HDAC11: variants seen among roughly 807,000 people sequenced by gnomAD.
HDAC11 encodes the protein histone deacetylase 11.
A neutral mutation model predicts 41.1 loss-of-function variants in HDAC11; 23 were observed. That is an observed-to-expected ratio of 0.56 (90% confidence interval 0.40 to 0.79). The LOEUF (loss-of-function observed/expected upper bound fraction) is 0.79. Among genes scored for constraint, HDAC11 ranks in the 30% least tolerant of loss-of-function variants. The pLI, the probability that HDAC11 is intolerant of heterozygous loss-of-function variation, is 0.00. For synonymous variants in HDAC11, 187 were observed against 186.6 expected (o/e 1.00, Z -0.02); for missense variants, 402 against 477.3 (o/e 0.84, Z 1.47).
intron 3 of HDAC11, among the ~76,000 whole-genome samples, chr3:13,491,068 TTGTGTGTGTG>T (rs58333021): frequency 0.016 from 2,178 of 140,378 alleles, 51 homozygotes; most frequent in African/African-American, 0.053. Flanking sequence ...GCTTTAATAG[TTGTGTGTGTG>T]TGTGTGTGTG....
intron 4 of HDAC11, 81 bp from the exon 5 acceptor site, chr3:13,498,432 T>A: frequency 6.4e-7 from 1 of 1,552,014 alleles, no homozygotes; most frequent in Non-Finnish European, 8.9e-7. Flanking sequence ...GCAGTGTTTA[T>A]GGAATGAGTG....
At chr3:13,489,622 G>A (rs1384304932) in intron 3 of HDAC11, among the ~76,000 whole-genome samples, 18 of 152,268 alleles carry the variant, frequency 1.2e-4, no homozygotes, top group African/African-American at 3.9e-4. Flanking sequence ...GCTGGAGTAC[G>A]GTGGCTCCAT....
intron 6 of HDAC11, 32 bp from the exon 7 acceptor site, chr3:13,501,839 G>A: frequency 6.2e-7 from 1 of 1,609,592 alleles, no homozygotes; most frequent in Non-Finnish European, 8.5e-7. Flanking sequence ...GTCCGCCCCA[G>A]ATCCTCATGT....
rs939183153 is a variant in HDAC11 at position 13,498,739 on chromosome 3, A to G, written c.412+184A>G. Among the ~76,000 whole-genome samples the G allele has an allele frequency of 1.5e-4, 23 of 152,154 alleles. 1 individual carries two copies. The South Asian group carries it at 1.9e-3, about 12-fold the overall frequency. The stretch of plus-strand genomic sequence containing the variant: ...GAGGTTGATGTGTAGCCTCCTAGGT[A>G]CCTGGGAGAGACTGACCAGTGCCTC... On this transcript the variant is annotated intron_variant, in intron 5 of 9. Coordinates refer to ENST00000295757, the MANE Select transcript of HDAC11 (RefSeq NM_024827.4).
chr3:13,504,027 C>G, intron 8 of HDAC11, 67 bp from the exon 9 acceptor site: 1 of 1,465,018 alleles, frequency 6.8e-7, no homozygotes, highest in South Asian at 1.2e-5. Flanking sequence ...GCCTGGTGTC[C>G]ACAGTCTTGT....
rs1418873302 is a variant in HDAC11, at chr3:13,505,484, C to T, written c.*801C>T. The T allele has an allele frequency of 6.5e-6, 1 of 152,686 alleles. No individual in the cohort carries two copies. Among genetic ancestry groups the T allele is most frequent in the Non-Finnish European group, 1.5e-5 (1 of 68,466 alleles). 9.5% of individuals were successfully genotyped at this position (152,686 alleles called of 1,614,324 possible). A position where few individuals can be genotyped will look rare whatever the true frequency, so the allele number is the denominator to read the frequency against. The stretch of plus-strand genomic sequence containing the variant: ...AGGACGGGCCTCAGCCCTGTCGCCT[C>T]CAGGGGGCCGCTGACCCAGGTGGGG... On this transcript the variant is annotated 3_prime_UTR_variant, in exon 10 of 10. Transcript: ENST00000295757.
At chr3:13,500,289 G>A (rs1198975631) in intron 5 of HDAC11, among the ~76,000 whole-genome samples, 4 of 152,044 alleles carry the variant, frequency 2.6e-5, no homozygotes, top group African/African-American at 7.2e-5. Flanking sequence ...GGCCCTCCTC[G>A]TGGCTGTAGG....
chr3:13,504,749 C>A lies in HDAC11; in HGVS notation c.*66C>A. The A allele has an allele frequency of 7.1e-7, 1 of 1,412,188 alleles. No homozygotes were observed. The allele number at this position is 1,412,188 out of a possible 1,614,324, so 87.5% of individuals were successfully genotyped here. A position where few individuals can be genotyped will look rare whatever the true frequency, so the allele number is the denominator to read the frequency against. Reference sequence around the variant, plus strand: ...CCCTTAGTGCTTTTTGTTTTCTAACCTCATGGGGTGGTGGAGGCAGCCTTC... The same window carrying A: ...CCCTTAGTGCTTTTTGTTTTCTAACATCATGGGGTGGTGGAGGCAGCCTTC... On this transcript the variant is annotated 3_prime_UTR_variant, in exon 10 of 10. Coordinates refer to ENST00000295757, the MANE Select transcript of HDAC11 (RefSeq NM_024827.4).
chr3:13,498,800 G>A (rs1038710654), intron 5 of HDAC11, among the ~76,000 whole-genome samples: 22 of 152,244 alleles, frequency 1.4e-4, no homozygotes, highest in African/African-American at 4.8e-4. Context: ...GGAGGTCCCC[G>A]GGTGGTTCCC....
intron 3 of HDAC11, among the ~76,000 whole-genome samples, chr3:13,484,825 G>A (rs1288149047): frequency 3.3e-5 from 5 of 152,196 alleles, no homozygotes; most frequent in African/African-American, 1.2e-4. Context: ...AAGTTCTGAG[G>A]GCTGAGGCAT....
At chr3:13,488,567 A>G (rs1701702557) in intron 3 of HDAC11, among the ~76,000 whole-genome samples, 1 of 152,196 alleles carries the variant, frequency 6.6e-6, no homozygotes, top group Non-Finnish European at 1.5e-5. Flanking sequence ...AGCGTTTTCA[A>G]CATTCATCTG....
At chr3:13,487,203 G>A (rs1010731862) in intron 3 of HDAC11, among the ~76,000 whole-genome samples, 1 of 152,178 alleles carries the variant, frequency 6.6e-6, no homozygotes, top group Admixed American at 6.5e-5. Context: ...ACCTAAGGCT[G>A]CAGCTCAGGA....
rs1055772806 is a variant in HDAC11 at position 13,502,937 on chromosome 3, T to C, written c.606T>C (p.Asp202=). 38 of 1,613,554 alleles carry C rather than the reference T, an allele frequency of 2.4e-5. No individual in the cohort carries two copies. Among genetic ancestry groups the C allele is most frequent in the Non-Finnish European group, 3.1e-5 (36 of 1,179,924 alleles). ...ACGACAAGCGTGTGTACATCATGGA[T>C]GTCTACAACCGCCACATCTACCCAG... ...FMDDKRVYIM[D]VYNRHIYPGD... The change falls in exon 8 of 10, where the codon GAT becomes GAC. Residue 202 remains aspartate (D), a synonymous_variant. Coordinates refer to ENST00000295757, the MANE Select transcript of HDAC11 (RefSeq NM_024827.4). This position sits in a 1 kb window ranked among gnomAD's most constrained non-coding sequence, Gnocchi z 4.1.
At chr3:13,490,755 T>TC (rs1362757421) in intron 3 of HDAC11, among the ~76,000 whole-genome samples, 223 of 135,032 alleles carry the variant, frequency 1.7e-3, no homozygotes, top group Middle Eastern at 3.7e-3. Flanking sequence ...TTTTTTTTTT[T>TC]TTTTTTTTTT....
intron 4 of HDAC11, among the ~76,000 whole-genome samples, chr3:13,498,162 AC>A (rs1702189246): frequency 6.6e-6 from 1 of 152,156 alleles, no homozygotes; most frequent in African/African-American, 2.4e-5. Context: ...GGCCCAGTCT[AC>A]TGTATTTCTG....
chr3:13,504,310 C>G (rs1488289603), intron 9 of HDAC11, 38 bp downstream of exon 9: 3 of 1,606,348 alleles, frequency 1.9e-6, no homozygotes, highest in African/African-American at 2.7e-5. Flanking sequence ...AGGGTCTGCT[C>G]TATGGACTCA....
intron 5 of HDAC11, among the ~76,000 whole-genome samples, chr3:13,499,231 G>A (rs11919605): frequency 0.017 from 2,586 of 152,212 alleles, 71 homozygotes; most frequent in African/African-American, 0.059. Context: ...GTGCAATGGC[G>A]CGATCTCGGC....
At chr3:13,484,205 C>T (rs1311832575) in intron 3 of HDAC11, among the ~76,000 whole-genome samples, 5 of 152,218 alleles carry the variant, frequency 3.3e-5, no homozygotes, top group African/African-American at 9.6e-5. Context: ...CTCAGGTCAT[C>T]TGCCCACCTC....
At chr3:13,481,476 A>C in intron 2 of HDAC11, 82 bp downstream of exon 2, 3 of 1,502,706 alleles carry the variant, frequency 2.0e-6, no homozygotes, top group Non-Finnish European at 2.7e-6. Context: ...CATAAGCCTC[A>C]GGCTCTCTCC....
Sources: gnomAD v4.1 joint callset for allele counts (sites outside exome capture counted in the v4.1 genomes callset) on GRCh38, gnomAD v4.1.1 for gene constraint, Gnocchi (gnomAD v3.1) non-coding constraint, MANE v1.5 for transcripts, NCBI Gene and HGNC (gene_info 2026-07-23, HGNC 2026-07-21) for gene names.